Variants in CPNE2 observed in about 807,000 individuals in gnomAD.
The protein encoded by CPNE2 is copine 2.
CPNE2 carries 42 observed loss-of-function variants against 69.7 expected under a neutral mutation model. The observed-to-expected ratio is 0.60, with a 90% CI of 0.47 to 0.78. The LOEUF is 0.78. Ranked by LOEUF, CPNE2 falls within the 30% of genes least tolerant of loss-of-function variation. CPNE2 has a pLI of 0.00. For synonymous variants in CPNE2, 294 were observed against 289.8 expected, an observed-to-expected ratio of 1.01 and a Z score of -0.15; for missense variants, 587 against 732.0, an observed-to-expected ratio of 0.80 and a Z score of 2.29.
chr16:57,113,896 G>A (rs374527741), intron 3 of CPNE2, among the ~76,000 whole-genome samples: 6 of 152,336 alleles, frequency 3.9e-5, no homozygotes, highest in South Asian at 2.1e-4. Context: ...GGGAGCAAGC[G>A]GGGCTAGGCG....
chr16:57,123,263 G>C, intron 9 of CPNE2, 151 bp from the exon 10 acceptor site: 1 of 751,842 alleles, frequency 1.3e-6, no homozygotes, highest in Non-Finnish European at 2.3e-6. Context: ...TTGTTATAGA[G>C]AGATTTGGGT....
chr16:57,147,497 G>C (rs967926351), intron 15 of CPNE2, 54 bp from the exon 16 acceptor site: 11 of 1,312,390 alleles, frequency 8.4e-6, no homozygotes, highest in Non-Finnish European at 1.0e-5. Context: ...CACAACTTCC[G>C]GTCATTAATC....
rs1327683318 is a variant in CPNE2, at chr16:57,092,976, C to G, written c.-36+186C>G. Among the ~76,000 whole-genome samples the G allele has an allele frequency of 6.6e-6, 1 of 152,122 alleles. No individual in the cohort carries two copies. The highest frequency in any genetic ancestry group is 2.4e-5 in the African/African-American group (1 of 41,440). On this transcript the variant is annotated intron_variant, in intron 1 of 15. Coordinates refer to ENST00000290776, the MANE Select transcript of CPNE2 (RefSeq NM_152727.6). The surrounding 1 kb of genome is among the most constrained non-coding windows in gnomAD (Gnocchi z 5.3). Reference sequence around the variant, plus strand: ...GCGCTTCGGTGACTCAGCTCCGACCCGGCCACGCGGGGGCGCCCCGCCGGC... The same window carrying G: ...GCGCTTCGGTGACTCAGCTCCGACCGGGCCACGCGGGGGCGCCCCGCCGGC...
At chr16:57,112,181 A>T (rs2069685502) in intron 2 of CPNE2, among the ~76,000 whole-genome samples, 1 of 152,162 alleles carries the variant, frequency 6.6e-6, no homozygotes, top group Non-Finnish European at 1.5e-5. Flanking sequence ...TTGTTGACCC[A>T]CTTTACAGAG....
chr16:57,135,539 T>C (rs992614279), intron 13 of CPNE2, among the ~76,000 whole-genome samples: 3 of 151,802 alleles, frequency 2.0e-5, no homozygotes, highest in African/African-American at 7.3e-5. Context: ...TGGTGGCATA[T>C]GCCTGTGGTC....
At chr16:57,128,461 A>G (rs962451137) in intron 12 of CPNE2, among the ~76,000 whole-genome samples, 5 of 152,188 alleles carry the variant, frequency 3.3e-5, no homozygotes, top group African/African-American at 9.7e-5. Context: ...TCCTGACCTC[A>G]GGTGATCCAC....
chr16:57,124,238 T>C (rs752425975), intron 10 of CPNE2: 10 of 362,400 alleles, frequency 2.8e-5, no homozygotes, highest in Non-Finnish European at 4.5e-5. Context: ...CATGCCATCA[T>C]GCCCAGCTAA....
chr16:57,134,523 A>G (rs2305695), intron 12 of CPNE2, among the ~76,000 whole-genome samples: 4,368 of 152,218 alleles, frequency 0.029, 266 homozygotes, highest in East Asian at 0.23. Context: ...AGTCCCCAGA[A>G]GAGCCCAGGG....
chr16:57,129,510 G>A (rs1283492406), intron 12 of CPNE2, among the ~76,000 whole-genome samples: 2 of 152,116 alleles, frequency 1.3e-5, no homozygotes, highest in Non-Finnish European at 2.9e-5. Context: ...TGGTAAGGTG[G>A]GAGTCCCAGG....
chr16:57,101,559 G>A (rs2145235223), intron 1 of CPNE2, among the ~76,000 whole-genome samples: 1 of 151,636 alleles, frequency 6.6e-6, no homozygotes, highest in South Asian at 2.1e-4. Flanking sequence ...AAGCCAGCAG[G>A]GCTTGTATGG....
chr16:57,110,543 C>T (rs1250356974), intron 1 of CPNE2, 165 bp from the exon 2 acceptor site: 4 of 429,088 alleles, frequency 9.3e-6, no homozygotes, highest in Admixed American at 4.3e-5. Context: ...CATTTCCTTG[C>T]ATTCTTCTTT....
rs372767439 is a variant in CPNE2 at position 57,110,347 on chromosome 16, C to T, written c.-35-361C>T. On this transcript the variant is annotated intron_variant, in intron 1 of 15. Transcript: ENST00000290776. Reference sequence around the variant, plus strand: ...TCAAGCAATCCTCCTGCCTCAGCCTCCCAAGTAGCTGGGACCACAGGCACG... The same window carrying T: ...TCAAGCAATCCTCCTGCCTCAGCCTTCCAAGTAGCTGGGACCACAGGCACG... Among the ~76,000 whole-genome samples, 7 of 151,978 alleles carry T rather than the reference C, an allele frequency of 4.6e-5. No individual in the cohort carries two copies. In the East Asian group the frequency reaches 9.7e-4, roughly 21 times the overall value.
At chr16:57,134,289 C>T (rs1431396156) in intron 12 of CPNE2, among the ~76,000 whole-genome samples, 1 of 152,198 alleles carries the variant, frequency 6.6e-6, no homozygotes, top group Non-Finnish European at 1.5e-5. Context: ...GGGCTGTCAG[C>T]TCACCCCCGT....
intron 8 of CPNE2, 133 bp from the exon 9 acceptor site, chr16:57,121,541 A>C: frequency 1.2e-6 from 1 of 843,732 alleles, no homozygotes; most frequent in Non-Finnish European, 1.9e-6. Context: ...GGGTGTGGAC[A>C]TCCTGGGAGG....
chr16:57,096,698 C>CAAA (rs34322802), intron 1 of CPNE2, among the ~76,000 whole-genome samples: 2 of 56,974 alleles, frequency 3.5e-5, no homozygotes, highest in Non-Finnish European at 7.9e-5. Flanking sequence ...GACCATGTCT[C>CAAA]AAAAAAAAAA....
In CPNE2 at chr16:57,127,883, C is replaced by T. The variant is rs755767436; in HGVS notation, c.1096C>T (p.Gln366Ter). 2 of 1,614,156 alleles carry T rather than the reference C, an allele frequency of 1.2e-6. No homozygotes were observed. Among genetic ancestry groups the T allele is most frequent in the Non-Finnish European group, 1.7e-6 (2 of 1,180,026 alleles). Residue 366 changes from glutamine to a stop codon, truncating the protein, a stop_gained, in exon 12 of 16, where the codon CAG becomes TAG. Transcript: ENST00000290776. LOFTEE classifies it high-confidence loss of function. Reference sequence around the variant, plus strand: ...GTTTCCAGCTCTGGGATTCGGGGCCCAGTTACCCCCAGACTGGAAGGTGAG... The same window carrying T: ...GTTTCCAGCTCTGGGATTCGGGGCCTAGTTACCCCCAGACTGGAAGGTGAG... ...KMFPALGFGAQLPPDWKVSHE... is the reference protein window; with the variant it reads ...KMFPALGFGA
At chr16:57,095,687 A>C (rs2069574283) in intron 1 of CPNE2, among the ~76,000 whole-genome samples, 1 of 151,396 alleles carries the variant, frequency 6.6e-6, no homozygotes, top group Admixed American at 6.6e-5. Context: ...CTGGCCTTGA[A>C]CTCCTGGCCT....
At chr16:57,110,545 T>G in intron 1 of CPNE2, 163 bp from the exon 2 acceptor site, 10 of 419,818 alleles carry the variant, frequency 2.4e-5, no homozygotes, top group East Asian at 4.1e-5. Context: ...TTTCCTTGCA[T>G]TCTTCTTTCT....
rs572274449 is a variant in CPNE2 at position 57,121,134 on chromosome 16, C to T, written c.723C>T (p.Phe241=). 150 of 1,614,094 alleles carry T rather than the reference C, an allele frequency of 9.3e-5. 1 individual carries two copies. In the South Asian group the frequency reaches 1.6e-3, roughly 17 times the overall value. The part of the protein sequence containing the change: ...YDYDNDGGHD[F]IGEFQTSVSQ... ...ATGACAATGACGGGGGCCATGACTT[C>T]ATCGGCGAGTTCCAGACCTCAGTGT... Residue 241 remains phenylalanine (F), a synonymous_variant, in exon 8 of 16, where the codon TTC becomes TTT. Coordinates refer to ENST00000290776, the MANE Select transcript of CPNE2 (RefSeq NM_152727.6).
Sources: gnomAD v4.1 joint callset for allele counts (sites outside exome capture counted in the v4.1 genomes callset) on GRCh38, gnomAD v4.1.1 for gene constraint, Gnocchi (gnomAD v3.1) non-coding constraint, MANE v1.5 for transcripts, NCBI Gene and HGNC (gene_info 2026-07-23, HGNC 2026-07-21) for gene names.